The following SLC20A2 variants were observed in gnomAD, a reference collection of about 807,000 sequenced individuals.
SLC20A2 encodes the protein solute carrier family 20 member 2.
In SLC20A2, 30 loss-of-function variants were observed where a neutral mutation model predicts 61.0. The observed-to-expected ratio is 0.49, with a 90% CI of 0.37 to 0.67. The LOEUF (loss-of-function observed/expected upper bound fraction) is 0.67. SLC20A2 is among the 30% of genes least tolerant of loss of function. The pLI, the probability that SLC20A2 is intolerant of heterozygous loss-of-function variation, is 0.00. For synonymous variants in SLC20A2, 351 were observed against 353.3 expected (o/e 0.99, Z 0.07); for missense variants, 626 against 866.4 (o/e 0.72, Z 3.48).
intron 1 of SLC20A2, among the ~76,000 whole-genome samples, chr8:42,533,307 C>G (rs1466963799): frequency 2.0e-5 from 3 of 152,074 alleles, no homozygotes; most frequent in Admixed American, 2.0e-4. Flanking sequence ...AATCAACAAA[C>G]TACTTATTAA....
intron 10 of SLC20A2, among the ~76,000 whole-genome samples, chr8:42,423,552 G>A (rs942164174): frequency 2.0e-5 from 3 of 152,062 alleles, no homozygotes; most frequent in African/African-American, 7.2e-5. Context: ...TTTTATAAAT[G>A]TTTCACGATG....
At chr8:42,452,542 GAT>G (rs1805821598) in intron 5 of SLC20A2, among the ~76,000 whole-genome samples, 2 of 151,198 alleles carry the variant, frequency 1.3e-5, no homozygotes, top group Non-Finnish European at 3.0e-5. Flanking sequence ...AGGAAGAAGA[GAT>G]AAAGAGGAGG....
At chr8:42,467,768 A>G (rs1807296222) in intron 2 of SLC20A2, among the ~76,000 whole-genome samples, 1 of 152,162 alleles carries the variant, frequency 6.6e-6, no homozygotes, top group Non-Finnish European at 1.5e-5. Context: ...GCTCCATGGC[A>G]GCGCCAGGCC....
intron 1 of SLC20A2, chr8:42,536,303 GAT>G (rs940950144): frequency 6.6e-6 from 1 of 152,182 alleles, no homozygotes; most frequent in Non-Finnish European, 1.5e-5. Flanking sequence ...CAAGATAAAT[GAT>G]ATGATATCCT....
At chr8:42,494,428 T>A (rs993188785) in intron 1 of SLC20A2, among the ~76,000 whole-genome samples, 1 of 152,142 alleles carries the variant, frequency 6.6e-6, no homozygotes, top group Non-Finnish European at 1.5e-5. Flanking sequence ...AAGAAAAAAA[T>A]TAACATACAG....
chr8:42,466,057 C>G, intron 2 of SLC20A2, 140 bp from the exon 3 acceptor site: 1 of 750,320 alleles, frequency 1.3e-6, no homozygotes, highest in Non-Finnish European at 2.0e-6. Context: ...AGCGCTACAG[C>G]CTGGACAAAA....
chr8:42,500,690 A>G (rs1810261080), intron 1 of SLC20A2, among the ~76,000 whole-genome samples: 1 of 152,252 alleles, frequency 6.6e-6, no homozygotes, highest in South Asian at 2.1e-4. Flanking sequence ...AGGTTACCAT[A>G]GTAGAAAACA....
At chr8:42,505,436 C>T (rs74858337), upstream of SLC20A2, among the ~76,000 whole-genome samples, 2,037 of 152,174 alleles carry the variant, frequency 0.013, 45 homozygotes, top group African/African-American at 0.046. Context: ...CCTGACCCCT[C>T]ATTTCTTAAA....
intron 8 of SLC20A2, among the ~76,000 whole-genome samples, chr8:42,432,560 G>A (rs942694796): frequency 2.0e-5 from 3 of 152,168 alleles, no homozygotes; most frequent in East Asian, 1.9e-4. Context: ...GAAATTCTAC[G>A]GTGGGTAAAA....
chr8:42,509,626 C>T (rs1056809624), intron 1 of SLC20A2, among the ~76,000 whole-genome samples: 4 of 151,926 alleles, frequency 2.6e-5, no homozygotes, highest in African/African-American at 9.7e-5. Flanking sequence ...CAGTGGTACC[C>T]GCCTGTAGTC....
At chr8:42,488,311 G>A (rs1200663814) in intron 1 of SLC20A2, among the ~76,000 whole-genome samples, 3 of 147,956 alleles carry the variant, frequency 2.0e-5, no homozygotes, top group East Asian at 4.0e-4. Context: ...TCAGTCTCCT[G>A]AGTAGCAGGG....
At chr8:42,446,927 T>C (rs150063002) in intron 5 of SLC20A2, among the ~76,000 whole-genome samples, 2 of 152,014 alleles carry the variant, frequency 1.3e-5, no homozygotes, top group East Asian at 3.9e-4. Flanking sequence ...CTTTTGTAAA[T>C]TGTTAAAAAA....
At position 42,417,260 on chromosome 8, in the gene SLC20A2, C is replaced by A. The variant is rs1295068349; in HGVS notation, c.*543G>T. ...AATCTTCAGTGAAAGCACTTGTGAG[C>A]TCCCGTCCCGCTGTCATCCCACAGC... On this transcript the variant is annotated 3_prime_UTR_variant, in exon 11 of 11. Transcript: ENST00000520262. The A allele has an allele frequency of 6.5e-6, 1 of 153,680 alleles. No homozygotes were observed. Among genetic ancestry groups the A allele is most frequent in the Non-Finnish European group, 1.5e-5 (1 of 68,832 alleles). The allele number at this position is 153,680 out of a possible 1,614,324, so 9.5% of individuals were successfully genotyped here.
chr8:42,480,185 T>C (rs1237954261), intron 1 of SLC20A2, among the ~76,000 whole-genome samples: 3 of 152,192 alleles, frequency 2.0e-5, no homozygotes. Context: ...AGGTGAAACA[T>C]GGGAACACAC....
intron 1 of SLC20A2, among the ~76,000 whole-genome samples, chr8:42,525,424 A>G (rs967529075): frequency 2.0e-5 from 3 of 151,898 alleles, no homozygotes; most frequent in Admixed American, 6.6e-5. Context: ...TGTACCACAA[A>G]TACAAAAATT....
At chr8:42,478,350 T>C (rs1293598228) in intron 1 of SLC20A2, among the ~76,000 whole-genome samples, 3 of 151,820 alleles carry the variant, frequency 2.0e-5, no homozygotes, top group Admixed American at 2.0e-4. Flanking sequence ...TAGCCAGGAT[T>C]ACAGGCATGC....
At chr8:42,485,083 C>A (rs946982191) in intron 1 of SLC20A2, 1 of 208,854 alleles carries the variant, frequency 4.8e-6, no homozygotes, top group South Asian at 6.8e-5. Flanking sequence ...TCCTCCTTCG[C>A]AGAGGTCAGG....
intron 1 of SLC20A2, among the ~76,000 whole-genome samples, chr8:42,499,866 A>C (rs1188526858): frequency 6.6e-6 from 1 of 152,220 alleles, no homozygotes; most frequent in Non-Finnish European, 1.5e-5. Flanking sequence ...CTAAGTATGA[A>C]GTAAGTTTCT....
chr8:42,433,926 T>G (rs1804048548), intron 8 of SLC20A2, among the ~76,000 whole-genome samples: 1 of 152,204 alleles, frequency 6.6e-6, no homozygotes, highest in Non-Finnish European at 1.5e-5. Flanking sequence ...TTGAGGAGCC[T>G]CCATCCTGTT....
Sources: gnomAD v4.1 joint callset for allele counts (sites outside exome capture counted in the v4.1 genomes callset) on GRCh38, gnomAD v4.1.1 for gene constraint, MANE v1.5 for transcripts, NCBI Gene and HGNC (gene_info 2026-07-23, HGNC 2026-07-21) for gene names.